The following NAA40 variants were observed in gnomAD, a reference collection of about 807,000 sequenced individuals.
The protein encoded by NAA40 is N-alpha-acetyltransferase 40, NatD catalytic subunit, also known as N-alpha-acetyltransferase 40.
Under a neutral mutation model 36.6 loss-of-function variants are expected in NAA40, and 26 were observed. The observed-to-expected ratio is 0.71, with a 90% CI of 0.52 to 0.98. The LOEUF is 0.98. Ranked by LOEUF, NAA40 falls within the 50% of genes least tolerant of loss-of-function variation. The pLI is 0.00. For synonymous variants in NAA40, 129 were observed against 108.4 expected (o/e 1.19, Z -1.18); for missense variants, 237 against 306.5 (o/e 0.77, Z 1.69).
intron 3 of NAA40, among the ~76,000 whole-genome samples, chr11:63,947,279 C>T (rs7112348): frequency 0.28 from 41,785 of 151,748 alleles, 7,382 homozygotes; most frequent in Non-Finnish European, 0.39. Context: ...CGGTGGCGAT[C>T]GCCTGTAATC....
chr11:63,943,896 T>C (rs1466443071), intron 1 of NAA40, among the ~76,000 whole-genome samples: 1 of 152,210 alleles, frequency 6.6e-6, no homozygotes, highest in African/African-American at 2.4e-5. Flanking sequence ...GAGAAAAAGA[T>C]GAATGCTCTA....
At chr11:63,939,131 G>A (rs768746233) in intron 1 of NAA40, 29 bp downstream of exon 1, 135 of 1,597,022 alleles carry the variant, frequency 8.5e-5, no homozygotes, top group Non-Finnish European at 9.8e-5. Flanking sequence ...GGAGATGGGA[G>A]GTCCAGGGGC....
At position 63,939,744 on chromosome 11, in the gene NAA40, C is replaced by A. The variant is rs186642834; in HGVS notation, c.6+642C>A. Among the ~76,000 whole-genome samples, 874 of 152,212 alleles carry A rather than the reference C, an allele frequency of 5.7e-3. 1 individual carries two copies. The highest frequency in any genetic ancestry group is 9.2e-3 in the Non-Finnish European group (624 of 68,024). On this transcript the variant is annotated intron_variant, in intron 1 of 7. Coordinates refer to ENST00000377793, the MANE Select transcript of NAA40 (RefSeq NM_024771.4). Reference sequence around the variant, plus strand: ...CCTGGTTGCAATGAAATGGTTCTTACGACCGCTTGGGTTGTTAGGGGTTTT... The same window carrying A: ...CCTGGTTGCAATGAAATGGTTCTTAAGACCGCTTGGGTTGTTAGGGGTTTT...
At chr11:63,951,741 G>A (rs767138055) in intron 3 of NAA40, among the ~76,000 whole-genome samples, 1 of 152,012 alleles carries the variant, frequency 6.6e-6, no homozygotes, top group Non-Finnish European at 1.5e-5. Flanking sequence ...TAGTCTTCTC[G>A]AAGGACCTAG....
rs767908187 is a variant in NAA40, at chr11:63,952,270, C to T, written c.188C>T (p.Ser63Phe). 3.7e-6 allele frequency: 6 copies of T among 1,613,538 alleles called. No homozygotes were observed. The South Asian group carries it at 6.6e-5, about 18-fold the overall frequency. ...GTCTCCATTGAATGTAAGCGAGTGTCTGGACTGGAGCCAGCCACCGTGGAT... is the reference window on the plus strand; with the variant it reads ...GTCTCCATTGAATGTAAGCGAGTGTTTGGACTGGAGCCAGCCACCGTGGAT... Reference protein sequence around the residue: ...LNVSIECKRVSGLEPATVDWA... With the variant: ...LNVSIECKRVFGLEPATVDWA... Residue 63 changes from serine to phenylalanine, a missense_variant, in exon 4 of 8, where the codon TCT becomes TTT. Coordinates refer to ENST00000377793, the MANE Select transcript of NAA40 (RefSeq NM_024771.4).
At chr11:63,939,317 C>T in intron 1 of NAA40, 1 of 1,258,176 alleles carries the variant, frequency 7.9e-7, no homozygotes. Context: ...GGGCCCCACC[C>T]CCTCGGCGCC....
chr11:63,952,222 C>A lies in NAA40; in HGVS notation c.156-16C>A. ...GTGCTGTAACCAATTCCGTACACGT[C>A]CTGTCCTCTTCTCAGGTTGAATGTC... On this transcript the variant is annotated splice_polypyrimidine_tract_variant and intron_variant, in intron 3 of 7. Coordinates refer to ENST00000377793, the MANE Select transcript of NAA40 (RefSeq NM_024771.4). The A allele has an allele frequency of 1.3e-6, 2 of 1,593,952 alleles. No homozygotes were observed. The highest frequency in any genetic ancestry group is 1.1e-5 in the South Asian group (1 of 88,514).
chr11:63,941,016 T>G (rs1942100380), intron 1 of NAA40, among the ~76,000 whole-genome samples: 1 of 152,222 alleles, frequency 6.6e-6, no homozygotes, highest in African/African-American at 2.4e-5. Context: ...ACTTCCTCGT[T>G]GGTTGGACTG....
intron 1 of NAA40, among the ~76,000 whole-genome samples, chr11:63,944,384 C>T (rs1357697420): frequency 6.6e-6 from 1 of 152,120 alleles, no homozygotes; most frequent in African/African-American, 2.4e-5. Flanking sequence ...AAAAGCAGAG[C>T]CAACTTACCA....
chr11:63,944,093 C>T (rs1475392028), intron 1 of NAA40, among the ~76,000 whole-genome samples: 2 of 152,026 alleles, frequency 1.3e-5, no homozygotes, highest in East Asian at 3.9e-4. Context: ...AAGAACAATC[C>T]CTGTGAGTTC....
intron 6 of NAA40, 41 bp from the exon 7 acceptor site, chr11:63,953,931 T>C: frequency 6.4e-7 from 1 of 1,571,202 alleles, no homozygotes; most frequent in South Asian, 1.1e-5. Flanking sequence ...TGCCTGGCCA[T>C]GTTTCTCTTT....
Position 63,952,690 on chromosome 11 carries a change from C to T in NAA40, c.411-66C>T, listed in dbSNP as rs981131190. On this transcript the variant is annotated intron_variant, in intron 5 of 7. Transcript: ENST00000377793. ...GAGCTGCCAAGGACTGCAAGCTCCT[C>T]TGCCAGACCTTACAGCCTCTTCATG... 1.6e-5 allele frequency: 26 copies of T among 1,601,010 alleles called. No individual in the cohort carries two copies. The African/African-American group carries it at 2.8e-4, about 17-fold the overall frequency.
intron 2 of NAA40, chr11:63,946,433 G>A (rs1019566617): frequency 1.4e-6 from 1 of 737,410 alleles, no homozygotes; most frequent in Admixed American, 5.0e-5. Context: ...TTGAACTCCT[G>A]AGCCCAAGCA....
At chr11:63,939,214 GTGACCCC>G in intron 1 of NAA40, 112 bp downstream of exon 1, 1 of 1,281,164 alleles carries the variant, frequency 7.8e-7, no homozygotes, top group Non-Finnish European at 1.0e-6. Flanking sequence ...CCAGCCTCAC[GTGACCCC>G]TGACCCCCAC....
chr11:63,939,415 T>C (rs1054408617), intron 1 of NAA40: 1 of 1,143,472 alleles, frequency 8.7e-7, no homozygotes, highest in African/African-American at 1.6e-5. Context: ...GGGGTTAGCT[T>C]CCCGCTCCCC....
Position 63,956,010 on chromosome 11 carries a change from G to A in NAA40, c.*1531G>A, listed in dbSNP as rs1465225912. The A allele has an allele frequency of 6.5e-6, 1 of 152,732 alleles. No individual in the cohort carries two copies. The highest frequency in any genetic ancestry group is 1.5e-5 in the Non-Finnish European group (1 of 68,136). The allele number at this position is 152,732 out of a possible 1,614,324, so 9.5% of individuals were successfully genotyped here. ...CAGTCTCTCCTGGCAGATCTCCCCA[G>A]AGTGGTCCTTGCTTCTCACCTGGAT... On this transcript the variant is annotated 3_prime_UTR_variant, in exon 8 of 8. Coordinates refer to ENST00000377793, the MANE Select transcript of NAA40 (RefSeq NM_024771.4).
chr11:63,945,471 G>A (rs1942171449), intron 1 of NAA40, among the ~76,000 whole-genome samples: 1 of 152,210 alleles, frequency 6.6e-6, no homozygotes, highest in African/African-American at 2.4e-5. Context: ...GCGGTCTTCA[G>A]TGTGTCTAAA....
At chr11:63,939,487 T>G in intron 1 of NAA40, 8 of 1,016,824 alleles carry the variant, frequency 7.9e-6, no homozygotes, top group South Asian at 4.3e-5. Context: ...AGGTCAACCC[T>G]GGCTTGGAGG....
chr11:63,952,361 A>G (rs1942293982), intron 4 of NAA40, 28 bp downstream of exon 4: 1 of 1,613,204 alleles, frequency 6.2e-7, no homozygotes, highest in African/African-American at 1.3e-5. Flanking sequence ...AGGGGAGCCT[A>G]GTTCCTCTCG....
Sources: allele counts gnomAD v4.1 joint callset (sites outside exome capture counted in the v4.1 genomes callset), GRCh38; gene constraint gnomAD v4.1.1; transcripts MANE v1.5; gene names NCBI Gene and HGNC (gene_info 2026-07-23, HGNC 2026-07-21).